TTLL11: variants seen among roughly 807,000 people sequenced by gnomAD.
The protein encoded by TTLL11 is tubulin polyglutamylase TTLL11.
In TTLL11, 42 loss-of-function variants were observed where a neutral mutation model predicts 51.7. The observed-to-expected ratio is 0.81, with a 90% CI of 0.64 to 1.05. The LOEUF (loss-of-function observed/expected upper bound fraction) is 1.05, where lower values mean the gene tolerates loss of function less well. Ranked by LOEUF, TTLL11 falls within the 50% of genes least tolerant of loss-of-function variation. The pLI, the probability that TTLL11 is intolerant of heterozygous loss-of-function variation, is 0.00. For missense variants in TTLL11, 799 were observed against 940.4 expected (o/e 0.85, Z 1.97); for synonymous variants, 381 against 383.5 (o/e 0.99, Z 0.08).
At chr9:121,835,411 C>A (rs1027949202) in intron 8 of TTLL11, among the ~76,000 whole-genome samples, 1 of 152,122 alleles carries the variant, frequency 6.6e-6, no homozygotes, top group Admixed American at 6.6e-5. Flanking sequence ...CAGTTCTCCC[C>A]CAACCCAGAT....
At chr9:122,017,951 T>C (rs1844038681) in intron 3 of TTLL11, among the ~76,000 whole-genome samples, 1 of 152,170 alleles carries the variant, frequency 6.6e-6, no homozygotes, top group Non-Finnish European at 1.5e-5. Context: ...TATTTGTTTA[T>C]ACACAGGAAA....
chr9:121,891,610 G>A (rs980141353), intron 6 of TTLL11, among the ~76,000 whole-genome samples: 7 of 152,110 alleles, frequency 4.6e-5, no homozygotes, highest in Admixed American at 3.9e-4. Context: ...CATAGAAAAC[G>A]TCCAAGTTCA....
chr9:121,945,180 T>C (rs762887380), intron 6 of TTLL11, among the ~76,000 whole-genome samples: 6 of 152,134 alleles, frequency 3.9e-5, no homozygotes, highest in Non-Finnish European at 7.4e-5. Flanking sequence ...GGCTGTGCTG[T>C]CTCCGGAAAA....
chr9:121,828,139 G>C (rs1836878341), intron 8 of TTLL11, among the ~76,000 whole-genome samples: 1 of 151,536 alleles, frequency 6.6e-6, no homozygotes, highest in Non-Finnish European at 1.5e-5. Context: ...TCCACAGGAA[G>C]ATGTATTGTC....
At chr9:121,896,402 G>A (rs1839527360) in intron 6 of TTLL11, among the ~76,000 whole-genome samples, 1 of 152,088 alleles carries the variant, frequency 6.6e-6, no homozygotes, top group South Asian at 2.1e-4. Flanking sequence ...CACTCCTGGA[G>A]GTCAGTTCCA....
chr9:121,822,885 A>G lies in TTLL11; in HGVS notation c.1841-6T>C, dbSNP rs901137020. 7.1e-6 allele frequency: 11 copies of G among 1,546,362 alleles called. No homozygotes were observed. Among genetic ancestry groups the G allele is most frequent in the Non-Finnish European group, 8.7e-6 (10 of 1,144,516 alleles). The stretch of plus-strand genomic sequence containing the variant: ...GAAGGCCTGCAGACACATCCCTGTG[A>G]ACAAAGAGACTGGATGAGGGGGTGC... On this transcript the variant is annotated splice_polypyrimidine_tract_variant and splice_region_variant and intron_variant, in intron 8 of 8. Coordinates refer to ENST00000321582, the MANE Select transcript of TTLL11 (RefSeq NM_001139442.2). The surrounding 1 kb of genome is among the most constrained non-coding windows in gnomAD (Gnocchi z 5.8).
At chr9:122,043,408 A>C (rs1410973320) in intron 1 of TTLL11, among the ~76,000 whole-genome samples, 1 of 152,226 alleles carries the variant, frequency 6.6e-6, no homozygotes, top group East Asian at 1.9e-4. Context: ...TCTTTTCAAC[A>C]AGTGGTGCTG....
At position 121,900,213 on chromosome 9, in the gene TTLL11, G is replaced by A. The variant is rs113491174; in HGVS notation, c.1482-29465C>T. ...AGGGTCTGTTGCTCCTAGTTCTCAA[G>A]CGTCTTTATTTTGCCTCTTCTCTTG... On this transcript the variant is annotated intron_variant, in intron 6 of 8. Transcript: ENST00000321582. 2.6e-3 allele frequency among the ~76,000 whole-genome samples: 403 copies of A among 152,304 alleles called. 1 individual carries two copies. Among genetic ancestry groups the A allele is most frequent in the Admixed American group, 7.1e-3 (109 of 15,294 alleles).
intron 3 of TTLL11, among the ~76,000 whole-genome samples, chr9:122,004,513 C>A (rs1434835881): frequency 6.6e-6 from 1 of 152,104 alleles, no homozygotes; most frequent in Non-Finnish European, 1.5e-5. Flanking sequence ...CCATGCCCAG[C>A]TAATTTTGTA....
At chr9:122,055,210 T>TAGATAGAC (rs1370245114) in intron 1 of TTLL11, among the ~76,000 whole-genome samples, 2 of 149,004 alleles carry the variant, frequency 1.3e-5, no homozygotes, top group Non-Finnish European at 3.0e-5. Context: ...ATAGGATAGA[T>TAGATAGAC]AGATAGATAG....
intron 8 of TTLL11, among the ~76,000 whole-genome samples, chr9:121,852,443 T>C (rs1837690017): frequency 6.6e-6 from 1 of 152,110 alleles, no homozygotes. Context: ...TACACAACAC[T>C]GGATCCTGCG....
At chr9:121,948,779 A>G (rs1841756800) in intron 6 of TTLL11, among the ~76,000 whole-genome samples, 1 of 152,150 alleles carries the variant, frequency 6.6e-6, no homozygotes. Context: ...ACCATTCCTG[A>G]ATGGGTGACA....
At chr9:121,930,021 T>C (rs1280710381) in intron 6 of TTLL11, among the ~76,000 whole-genome samples, 1 of 152,252 alleles carries the variant, frequency 6.6e-6, no homozygotes, top group African/African-American at 2.4e-5. Flanking sequence ...AACAAATGCC[T>C]GTCATTTGAA....
chr9:122,052,196 T>A (rs1258693934), intron 1 of TTLL11, among the ~76,000 whole-genome samples: 4 of 152,166 alleles, frequency 2.6e-5, no homozygotes, highest in Non-Finnish European at 5.9e-5. Flanking sequence ...GCCCGCTCAC[T>A]TCTCTGCCTT....
At chr9:121,972,484 C>T (rs926420892) in intron 6 of TTLL11, among the ~76,000 whole-genome samples, 1 of 152,234 alleles carries the variant, frequency 6.6e-6, no homozygotes, top group South Asian at 2.1e-4. Flanking sequence ...AGAAGCCACA[C>T]CTGGTGGGAT....
chr9:121,934,313 A>G (rs1240290240), intron 6 of TTLL11, among the ~76,000 whole-genome samples: 2 of 152,198 alleles, frequency 1.3e-5, no homozygotes, highest in Non-Finnish European at 2.9e-5. Context: ...ATGCCAAACT[A>G]TATAACGTCA....
intron 1 of TTLL11, among the ~76,000 whole-genome samples, chr9:122,082,501 C>CAAAAAAAA (rs35349693): frequency 4.7e-5 from 4 of 84,652 alleles, no homozygotes; most frequent in Non-Finnish European, 7.4e-5. Context: ...GACTCTGTCT[C>CAAAAAAAA]AAAAAAAAAA....
At chr9:122,039,424 G>A (rs1402526438) in intron 1 of TTLL11, 56 bp from the exon 2 acceptor site, 6 of 1,386,252 alleles carry the variant, frequency 4.3e-6, no homozygotes, top group African/African-American at 4.3e-5. Flanking sequence ...TGACCACACT[G>A]AGTATCCATT....
intron 2 of TTLL11, among the ~76,000 whole-genome samples, chr9:122,039,055 G>A (rs1010123600): frequency 1.3e-5 from 2 of 152,136 alleles, no homozygotes; most frequent in African/African-American, 2.4e-5. Flanking sequence ...TGGAAACCAT[G>A]TTCTTCCACC....
Sources: allele counts gnomAD v4.1 joint callset (sites outside exome capture counted in the v4.1 genomes callset), GRCh38; gene constraint gnomAD v4.1.1; non-coding constraint Gnocchi (gnomAD v3.1); transcripts MANE v1.5; gene names NCBI Gene and HGNC (gene_info 2026-07-23, HGNC 2026-07-21).